LIMD1: variants seen among roughly 807,000 people sequenced by gnomAD.
The protein encoded by LIMD1 is LIM domain-containing protein 1.
In LIMD1, 23 loss-of-function variants were observed where a neutral mutation model predicts 58.4. That is an observed-to-expected ratio of 0.39 (90% CI 0.28 to 0.56). The LOEUF (loss-of-function observed/expected upper bound fraction) is 0.56, where lower values mean the gene tolerates loss of function less well. Among genes scored for constraint, LIMD1 ranks in the 20% least tolerant of loss-of-function variants. LIMD1 has a pLI of 0.57. For missense variants in LIMD1, 838 were observed against 855.5 expected, an observed-to-expected ratio of 0.98 and a Z score of 0.25; for synonymous variants, 334 against 345.5, an observed-to-expected ratio of 0.97 and a Z score of 0.37.
At chr3:45,647,178 A>G (rs898278168) in intron 2 of LIMD1, among the ~76,000 whole-genome samples, 5 of 152,156 alleles carry the variant, frequency 3.3e-5, no homozygotes, top group African/African-American at 1.2e-4. Flanking sequence ...ATCACAGTGT[A>G]TGTTTGCTTT....
chr3:45,616,440 G>C (rs1701576986), intron 1 of LIMD1, among the ~76,000 whole-genome samples: 1 of 152,130 alleles, frequency 6.6e-6, no homozygotes, highest in Non-Finnish European at 1.5e-5. Context: ...AACAAAACCG[G>C]GTCACATCCC....
In LIMD1 at chr3:45,596,198, T is replaced by C; in HGVS notation, c.1319T>C (p.Leu440Pro). The C allele has an allele frequency of 6.2e-7, 1 of 1,613,558 alleles. No homozygotes were observed. Among genetic ancestry groups the C allele is most frequent in the South Asian group, 1.1e-5 (1 of 91,002 alleles). The change falls in exon 1 of 8, where the codon CTG becomes CCG. Residue 440 changes from leucine (L) to proline (P), a missense_variant. Transcript: ENST00000273317. ...PCQPLVPGPE[L>P]RPSAAELKLE... is the part of the protein sequence containing the mutation. ...CAGCCCCTCGTCCCAGGTCCTGAGCTGAGACCCTCTGCTGCTGAGTTGAAA... is the reference window on the plus strand; with the variant it reads ...CAGCCCCTCGTCCCAGGTCCTGAGCCGAGACCCTCTGCTGCTGAGTTGAAA...
chr3:45,653,696 G>A (rs1701996345), intron 2 of LIMD1, among the ~76,000 whole-genome samples: 1 of 152,064 alleles, frequency 6.6e-6, no homozygotes, highest in Non-Finnish European at 1.5e-5. Context: ...GATCACCTGA[G>A]GTCAGGAATT....
Position 45,672,769 on chromosome 3 carries a change from C to T in LIMD1, c.1721C>T (p.Pro574Leu), listed in dbSNP as rs1287985213. The change falls in exon 5 of 8, where the codon CCC becomes CTC. Residue 574 changes from proline (P) to leucine (L), a missense_variant. Around this residue, in one of 3 missense-constraint regions of LIMD1, gnomAD observed 174 missense variants for 197.4 expected, o/e 0.88. Transcript: ENST00000273317. ...VICNECLDGV[P>L]FTVDSENKIY... is the part of the protein sequence containing the mutation. ...TGTAATGAGTGTTTGGATGGGGTGC[C>T]CTTCACCGTGGACTCAGAGAACAAG... 1.2e-6 allele frequency: 2 copies of T among 1,613,926 alleles called. No homozygotes were observed. The highest frequency in any genetic ancestry group is 1.7e-6 in the Non-Finnish European group (2 of 1,179,970).
intron 1 of LIMD1, chr3:45,634,816 A>C (rs1484564187): frequency 6.6e-6 from 1 of 152,258 alleles, no homozygotes; most frequent in East Asian, 1.9e-4. Flanking sequence ...GGGAATATGC[A>C]GGGCAGATGG....
intron 2 of LIMD1, among the ~76,000 whole-genome samples, chr3:45,656,845 A>G (rs114868027): frequency 0.038 from 5,742 of 152,292 alleles, 117 homozygotes; most frequent in African/African-American, 0.055. Flanking sequence ...CCCAAACGTC[A>G]GGGCACATTA....
At chr3:45,662,090 G>T (rs943744310) in intron 2 of LIMD1, among the ~76,000 whole-genome samples, 1 of 152,166 alleles carries the variant, frequency 6.6e-6, no homozygotes, top group Non-Finnish European at 1.5e-5. Flanking sequence ...GAAAGCTAAA[G>T]ATTTTATTTT....
chr3:45,653,385 T>G (rs937577303), intron 2 of LIMD1, among the ~76,000 whole-genome samples: 2 of 152,168 alleles, frequency 1.3e-5, no homozygotes, highest in Non-Finnish European at 2.9e-5. Context: ...GTGATCCCAC[T>G]TTTATCCTTA....
chr3:45,672,943 G>C (rs1463197241), intron 5 of LIMD1, 123 bp downstream of exon 5: 23 of 1,204,018 alleles, frequency 1.9e-5, no homozygotes, highest in Non-Finnish European at 2.0e-5. Context: ...TCCAGCAAAG[G>C]CTTAATGGTT....
Position 45,635,732 on chromosome 3 carries a change from CAAA to C in LIMD1, c.1409-392_1409-390del, listed in dbSNP as rs71095045. On this transcript the variant is annotated intron_variant, in intron 1 of 7. Coordinates refer to ENST00000273317, the MANE Select transcript of LIMD1 (RefSeq NM_014240.3). ...GGGCAACATATCAAGATCCCCGTCT[CAAA>C]AAAAAAAAAAAAAAAAAAAAAAAAA... Among the ~76,000 whole-genome samples, 12 of 73,794 alleles carry C rather than the reference CAAA, an allele frequency of 1.6e-4. No homozygotes were observed. In the South Asian group the frequency reaches 2.0e-3, roughly 12 times the overall value. The allele number at this position is 73,794 out of a possible 152,430, so 48.4% of individuals were successfully genotyped here.
At chr3:45,596,338 A>G (rs13086458) in intron 1 of LIMD1, 51 bp downstream of exon 1, 499,687 of 1,428,182 alleles carry the variant, frequency 0.35, 92,452 homozygotes, top group Middle Eastern at 0.43. Context: ...GGGGTTCTTG[A>G]GATTGGGGAA....
intron 1 of LIMD1, among the ~76,000 whole-genome samples, chr3:45,596,924 C>T (rs902154871): frequency 6.7e-6 from 1 of 149,446 alleles, no homozygotes; most frequent in Non-Finnish European, 1.5e-5. Context: ...TGCAGTGGCA[C>T]AATCTCGGCT....
chr3:45,626,236 C>T (rs1300374649), intron 1 of LIMD1, among the ~76,000 whole-genome samples: 1 of 152,200 alleles, frequency 6.6e-6, no homozygotes, highest in Non-Finnish European at 1.5e-5. Context: ...AGTCACCGTC[C>T]TTGGTATTTA....
chr3:45,619,713 C>T (rs1477159858), intron 1 of LIMD1, among the ~76,000 whole-genome samples: 1 of 151,964 alleles, frequency 6.6e-6, no homozygotes, highest in Admixed American at 6.6e-5. Flanking sequence ...GCAGGAGAAT[C>T]GCTTGAACCT....
intron 3 of LIMD1, 88 bp from the exon 4 acceptor site, chr3:45,668,206 A>T: frequency 2.0e-6 from 2 of 1,015,156 alleles, no homozygotes; most frequent in South Asian, 2.8e-5. Context: ...CTTTCTGAGA[A>T]ATTCCTTATA....
At chr3:45,645,501 G>A (rs1461664884) in intron 2 of LIMD1, among the ~76,000 whole-genome samples, 3 of 152,148 alleles carry the variant, frequency 2.0e-5, no homozygotes, top group African/African-American at 4.8e-5. Context: ...TTTCCTCCGT[G>A]GTAGTCCCAG....
At position 45,594,795 on chromosome 3, in the gene LIMD1, A is replaced by ACACACACACACACACACACACACCC; in HGVS notation, c.-62_-61insCCCACACACACACACACACACACAC. 1 of 113,326 alleles carries ACACACACACACACACACACACACCC rather than the reference A, an allele frequency of 8.8e-6. No individual in the cohort carries two copies. Among genetic ancestry groups the ACACACACACACACACACACACACCC allele is most frequent in the Non-Finnish European group, 1.5e-5 (1 of 66,222 alleles). The allele number at this position is 113,326 out of a possible 1,614,324, so 7.0% of individuals were successfully genotyped here. A position where few individuals can be genotyped will look rare whatever the true frequency, so the allele number is the denominator to read the frequency against. On this transcript the variant is annotated 5_prime_UTR_variant, in exon 1 of 8. Transcript: ENST00000273317. ...CTGCCCTCAACACACACACACACAC[A>ACACACACACACACACACACACACCC]CACACACACACACACACACACACAC...
At chr3:45,608,860 AAG>A (rs1701494274) in intron 1 of LIMD1, among the ~76,000 whole-genome samples, 1 of 148,022 alleles carries the variant, frequency 6.8e-6, no homozygotes, top group Non-Finnish European at 1.5e-5. Flanking sequence ...AAAAAAAAAG[AAG>A]GAGAATGAAG....
intron 1 of LIMD1, among the ~76,000 whole-genome samples, chr3:45,625,013 C>T (rs578171546): frequency 5.6e-4 from 85 of 151,602 alleles, no homozygotes; most frequent in Non-Finnish European, 8.4e-4. Context: ...ACTTATTTCA[C>T]GTGGAAGGCT....
Sources: allele counts gnomAD v4.1 joint callset (sites outside exome capture counted in the v4.1 genomes callset), GRCh38; gene constraint gnomAD v4.1.1; regional missense constraint gnomAD v4.1.1; transcripts MANE v1.5; gene names NCBI Gene and HGNC (gene_info 2026-07-23, HGNC 2026-07-21).